Variants in CDCP1 observed in about 807,000 individuals in gnomAD.
CDCP1 encodes the protein CUB domain containing protein 1, also known as CUB domain-containing protein 1.
Under a neutral mutation model 60.2 loss-of-function variants are expected in CDCP1, and 29 were observed. That is an observed-to-expected ratio of 0.48 (90% confidence interval 0.36 to 0.66). The LOEUF is 0.66. Among genes scored for constraint, CDCP1 ranks in the 30% least tolerant of loss-of-function variants. The pLI, the probability that CDCP1 is intolerant of heterozygous loss-of-function variation, is 0.00. For synonymous variants in CDCP1, 387 were observed against 431.1 expected (o/e 0.90, Z 1.27); for missense variants, 876 against 1,074.3 (o/e 0.82, Z 2.58).
At chr3:45,124,006 C>T (rs905533713) in intron 1 of CDCP1, among the ~76,000 whole-genome samples, 1 of 152,148 alleles carries the variant, frequency 6.6e-6, no homozygotes, top group Non-Finnish European at 1.5e-5. Flanking sequence ...TTCTTCAGCT[C>T]TCCTGCCTCC....
intron 1 of CDCP1, among the ~76,000 whole-genome samples, chr3:45,145,905 G>T (rs907407696): frequency 6.6e-6 from 1 of 151,886 alleles, no homozygotes; most frequent in Non-Finnish European, 1.5e-5. Flanking sequence ...CCGCCTTCTC[G>T]GCCAGCACCG....
chr3:45,116,906 T>C (rs1001797307), intron 2 of CDCP1, among the ~76,000 whole-genome samples: 2 of 152,224 alleles, frequency 1.3e-5, no homozygotes, highest in African/African-American at 4.8e-5. Context: ...TTATACACAG[T>C]CTCTTACAAT....
At chr3:45,124,992 T>C (rs1698953255) in intron 1 of CDCP1, among the ~76,000 whole-genome samples, 2 of 152,158 alleles carry the variant, frequency 1.3e-5, no homozygotes, top group African/African-American at 4.8e-5. Context: ...CCAGGGAACT[T>C]CAAGGTACTC....
chr3:45,083,005 C>G lies in CDCP1; in HGVS notation c.*2633G>C, dbSNP rs1368739019. On this transcript the variant is annotated 3_prime_UTR_variant, in exon 9 of 9. Transcript: ENST00000296129. Reference sequence around the variant, plus strand: ...GCCCTCAGTTGAAGGAAAATGGCCACGTGGTGTCCTTGCAGGCAACAGTGA... The same window carrying G: ...GCCCTCAGTTGAAGGAAAATGGCCAGGTGGTGTCCTTGCAGGCAACAGTGA... 1 of 152,188 alleles carries G rather than the reference C, an allele frequency of 6.6e-6. No homozygotes were observed. 9.4% of individuals were successfully genotyped at this position (152,188 alleles called of 1,614,324 possible).
chr3:45,117,251 A>T (rs777213922), intron 2 of CDCP1, among the ~76,000 whole-genome samples: 1 of 152,114 alleles, frequency 6.6e-6, no homozygotes, highest in African/African-American at 2.4e-5. Flanking sequence ...ATGTTTCCCT[A>T]CCTAATTATT....
In CDCP1 at chr3:45,110,630, G is replaced by A. The variant is rs778978103; in HGVS notation, c.867C>T (p.Thr289=). ...CCAGCTTGAACACCTCGGGGTTGGT[G>A]GTGGAGCCCGGGATGTAGTATTCAA... ...ERVEYYIPGS[T]TNPEVFKLED... Residue 289 remains threonine (T), a synonymous_variant, in exon 4 of 9, where the codon ACC becomes ACT. Coordinates refer to ENST00000296129, the MANE Select transcript of CDCP1 (RefSeq NM_022842.5). 9.3e-6 allele frequency: 15 copies of A among 1,614,198 alleles called. No individual in the cohort carries two copies. In the Middle Eastern group the frequency reaches 1.5e-3, roughly 160 times the overall value.
intron 4 of CDCP1, among the ~76,000 whole-genome samples, chr3:45,100,507 G>T (rs1698471865): frequency 6.6e-6 from 1 of 152,194 alleles, no homozygotes; most frequent in South Asian, 2.1e-4. Flanking sequence ...GGCTTTGCAG[G>T]ATAAAGCAGA....
Position 45,091,592 on chromosome 3 carries a change from A to T in CDCP1, c.1628-54T>A. On this transcript the variant is annotated intron_variant, in intron 6 of 8. Coordinates refer to ENST00000296129, the MANE Select transcript of CDCP1 (RefSeq NM_022842.5). This position sits in a 1 kb window ranked among gnomAD's most constrained non-coding sequence, Gnocchi z 4.8. ...GATGTTTCATTCAGTCAACATGGAG[A>T]GGAAAGGGAGTGGTGGAGGAGACGA... 2 of 1,522,652 alleles carry T rather than the reference A, an allele frequency of 1.3e-6. No individual in the cohort carries two copies. The highest frequency in any genetic ancestry group is 1.8e-6 in the Non-Finnish European group (2 of 1,137,398). 94.3% of individuals were successfully genotyped at this position (1,522,652 alleles called of 1,614,324 possible).
chr3:45,123,802 T>C (rs759208706), intron 1 of CDCP1, among the ~76,000 whole-genome samples: 1 of 152,186 alleles, frequency 6.6e-6, no homozygotes, highest in Admixed American at 6.5e-5. Flanking sequence ...ATTTCATTGG[T>C]CTAATATTTC....
At chr3:45,124,962 C>G (rs1277965785) in intron 1 of CDCP1, among the ~76,000 whole-genome samples, 1 of 152,136 alleles carries the variant, frequency 6.6e-6, no homozygotes, top group Non-Finnish European at 1.5e-5. Context: ...TCATTAGACC[C>G]AAATAGTAAT....
intron 2 of CDCP1, among the ~76,000 whole-genome samples, chr3:45,116,534 C>G (rs1234521060): frequency 1.3e-5 from 2 of 152,168 alleles, no homozygotes; most frequent in Non-Finnish European, 2.9e-5. Flanking sequence ...TGTATATCGT[C>G]TACAGCAGAT....
chr3:45,143,927 AC>A (rs1390410020), intron 1 of CDCP1, among the ~76,000 whole-genome samples: 1 of 152,118 alleles, frequency 6.6e-6, no homozygotes, highest in African/African-American at 2.4e-5. Flanking sequence ...CAGAATGAAC[AC>A]CCACACTCAC....
intron 4 of CDCP1, among the ~76,000 whole-genome samples, chr3:45,100,719 G>A (rs1478464267): frequency 6.6e-6 from 1 of 152,112 alleles, no homozygotes; most frequent in Non-Finnish European, 1.5e-5. Context: ...AATGTTCTAA[G>A]AAAACCCATT....
chr3:45,085,218 T>C lies in CDCP1; in HGVS notation c.*420A>G, dbSNP rs887447053. On this transcript the variant is annotated 3_prime_UTR_variant, in exon 9 of 9. Coordinates refer to ENST00000296129, the MANE Select transcript of CDCP1 (RefSeq NM_022842.5). The surrounding 1 kb of genome is among the most constrained non-coding windows in gnomAD (Gnocchi z 4.2). ...AAATAAATAATAATAAAAAGGCACA[T>C]TGTCGTTTTCATCCTGGGGACCCCA... The C allele has an allele frequency of 1.2e-5, 2 of 161,528 alleles. No homozygotes were observed. The highest frequency in any genetic ancestry group is 2.4e-5 in the African/African-American group (1 of 41,638). The allele number at this position is 161,528 out of a possible 1,614,324, so 10.0% of individuals were successfully genotyped here. A position where few individuals can be genotyped will look rare whatever the true frequency, so the allele number is the denominator to read the frequency against.
intron 1 of CDCP1, among the ~76,000 whole-genome samples, chr3:45,135,075 A>C (rs989801681): frequency 1.3e-5 from 2 of 152,242 alleles, no homozygotes; most frequent in Non-Finnish European, 2.9e-5. Flanking sequence ...GTGTTTGGGC[A>C]TCATAATGAA....
intron 1 of CDCP1, among the ~76,000 whole-genome samples, chr3:45,125,873 C>G (rs189937858): frequency 2.6e-5 from 4 of 152,314 alleles, no homozygotes; most frequent in Middle Eastern, 3.4e-3. Flanking sequence ...ATTAATAGGC[C>G]CTTCTACATG....
intron 1 of CDCP1, among the ~76,000 whole-genome samples, chr3:45,120,722 AGGCCAGTCTTGCCTTCTTTCTTG>A (rs1315698220): frequency 6.6e-6 from 1 of 152,160 alleles, no homozygotes; most frequent in Non-Finnish European, 1.5e-5. Flanking sequence ...CACTGTGTTC[AGGCCAGTCTTGCCTTCTTTCTTG>A]AACACACCAA....
In CDCP1 at chr3:45,085,702, ACATCCC is replaced by A. The variant is rs755113492; in HGVS notation, c.2441_2446del (p.Gly814_Asp815del). 7.4e-6 allele frequency: 12 copies of A among 1,613,990 alleles called. No homozygotes were observed. The highest frequency in any genetic ancestry group is 9.3e-6 in the Non-Finnish European group (11 of 1,180,032). Reference sequence around the variant, plus strand: ...GGGAATGTCTGTGTCCTTGCTGCTTACATCCCCATTGTTGGGATGGGAGAAGGTGTA... The same window carrying A: ...GGGAATGTCTGTGTCCTTGCTGCTTACATTGTTGGGATGGGAGAAGGTGTA... On this transcript the variant is annotated inframe_deletion, in exon 9 of 9. Coordinates refer to ENST00000296129, the MANE Select transcript of CDCP1 (RefSeq NM_022842.5). This position sits in a 1 kb window ranked among gnomAD's most constrained non-coding sequence, Gnocchi z 4.2.
chr3:45,139,891 T>C (rs1699255369), intron 1 of CDCP1, among the ~76,000 whole-genome samples: 1 of 152,214 alleles, frequency 6.6e-6, no homozygotes, highest in Non-Finnish European at 1.5e-5. Flanking sequence ...CCGTGAGTCC[T>C]TCAAACTCAG....
Sources: allele counts gnomAD v4.1 joint callset (sites outside exome capture counted in the v4.1 genomes callset), GRCh38; gene constraint gnomAD v4.1.1; non-coding constraint Gnocchi (gnomAD v3.1); transcripts MANE v1.5; gene names NCBI Gene and HGNC (gene_info 2026-07-23, HGNC 2026-07-21).